Variants in CAMK1D observed in about 807,000 individuals in gnomAD.
CAMK1D encodes the protein calcium/calmodulin-dependent protein kinase type 1D.
Under a neutral mutation model 47.7 loss-of-function variants are expected in CAMK1D, and 9 were observed. The ratio of observed to expected loss-of-function variants is 0.19; its 90% CI spans 0.11 to 0.33. The LOEUF is 0.33. Ranked by LOEUF, CAMK1D falls within the 10% of genes least tolerant of loss-of-function variation. The pLI is 1.00. For missense variants in CAMK1D, 291 were observed against 488.7 expected, an observed-to-expected ratio of 0.60 and a Z score of 3.81; for synonymous variants, 184 against 184.9, an observed-to-expected ratio of 0.99 and a Z score of 0.04.
At chr10:12,584,397 G>T (rs1213894587) in intron 2 of CAMK1D, among the ~76,000 whole-genome samples, 1 of 152,190 alleles carries the variant, frequency 6.6e-6, no homozygotes, top group Non-Finnish European at 1.5e-5. Flanking sequence ...GGTGATAATG[G>T]TCATAGCATA....
chr10:12,676,063 C>T (rs1221473946), intron 3 of CAMK1D, among the ~76,000 whole-genome samples: 1 of 152,180 alleles, frequency 6.6e-6, no homozygotes, highest in East Asian at 1.9e-4. Flanking sequence ...AGCGATTCTC[C>T]TGTCTCAGCC....
chr10:12,372,984 C>T (rs1298300728), intron 1 of CAMK1D, among the ~76,000 whole-genome samples: 1 of 152,140 alleles, frequency 6.6e-6, no homozygotes, highest in Non-Finnish European at 1.5e-5. Context: ...GAGCTGGTAA[C>T]GGAATTGTTT....
At position 12,577,107 on chromosome 10, in the gene CAMK1D, C is replaced by T. The variant is rs553755389; in HGVS notation, c.224+23751C>T. 3.3e-5 allele frequency among the ~76,000 whole-genome samples: 5 copies of T among 152,312 alleles called. No individual in the cohort carries two copies. The East Asian group carries it at 9.6e-4, about 29-fold the overall frequency. On this transcript the variant is annotated intron_variant, in intron 2 of 10. Coordinates refer to ENST00000619168, the MANE Select transcript of CAMK1D (RefSeq NM_153498.4). ...CTGGGGCACTTGCAGGAGGTGACGG[C>T]CACCTTGACTCTGTATGCTGAAGCC...
intron 2 of CAMK1D, among the ~76,000 whole-genome samples, chr10:12,587,656 CT>C (rs1446658314): frequency 1.3e-5 from 2 of 152,132 alleles, no homozygotes; most frequent in African/African-American, 2.4e-5. Flanking sequence ...GGGAGGACTC[CT>C]TAGGATGTGC....
intron 2 of CAMK1D, among the ~76,000 whole-genome samples, chr10:12,653,997 A>G (rs1840051546): frequency 6.6e-6 from 1 of 152,244 alleles, no homozygotes; most frequent in Non-Finnish European, 1.5e-5. Flanking sequence ...GAGAAAGCAC[A>G]GGACATTAGT....
At chr10:12,795,605 C>T (rs1227322650) in intron 6 of CAMK1D, among the ~76,000 whole-genome samples, 3 of 152,326 alleles carry the variant, frequency 2.0e-5, no homozygotes, top group African/African-American at 2.4e-5. Context: ...AAACCTGTCA[C>T]GCTGAGATAT....
intron 2 of CAMK1D, among the ~76,000 whole-genome samples, chr10:12,570,108 G>T (rs1291665327): frequency 6.6e-6 from 1 of 152,124 alleles, no homozygotes; most frequent in East Asian, 1.9e-4. Flanking sequence ...GCTGAGGCAG[G>T]AGAATTGCTT....
intron 1 of CAMK1D, among the ~76,000 whole-genome samples, chr10:12,378,951 AG>A (rs1838265247): frequency 6.6e-6 from 1 of 151,852 alleles, no homozygotes; most frequent in Admixed American, 6.6e-5. Context: ...CTGGGACTAC[AG>A]GCACATACCA....
In CAMK1D at chr10:12,720,560, AG is replaced by A. The variant is rs1180258642; in HGVS notation, c.300-40387del. On this transcript the variant is annotated intron_variant, in intron 3 of 10. Coordinates refer to ENST00000619168, the MANE Select transcript of CAMK1D (RefSeq NM_153498.4). ...AGATCTAGAGATGACGTGGTAGATA[AG>A]ACTGTTGACACATTCTCTAATCTTA... 2.6e-5 allele frequency among the ~76,000 whole-genome samples: 4 copies of A among 152,330 alleles called. No homozygotes were observed. The East Asian group carries it at 7.7e-4, about 29-fold the overall frequency.
intron 2 of CAMK1D, among the ~76,000 whole-genome samples, chr10:12,560,662 T>C (rs1390811988): frequency 1.3e-5 from 2 of 151,898 alleles, no homozygotes; most frequent in African/African-American, 4.8e-5. Flanking sequence ...CTGGTAAAGC[T>C]AGTCCTTGAA....
intron 1 of CAMK1D, among the ~76,000 whole-genome samples, chr10:12,449,240 C>G (rs545468854): frequency 6.6e-5 from 10 of 152,136 alleles, no homozygotes; most frequent in Admixed American, 3.3e-4. Context: ...GTCTGCCATC[C>G]TCATTGGGAG....
chr10:12,767,815 G>A (rs1836842543), intron 4 of CAMK1D, among the ~76,000 whole-genome samples: 1 of 152,218 alleles, frequency 6.6e-6, no homozygotes. Context: ...ATAAGGCAGA[G>A]GAAGCAATCA....
At chr10:12,471,845 A>T (rs537784949) in intron 1 of CAMK1D, among the ~76,000 whole-genome samples, 178 of 152,008 alleles carry the variant, frequency 1.2e-3, no homozygotes, top group African/African-American at 4.2e-3. Flanking sequence ...CAGTCTGGGC[A>T]ACATAGCAAG....
intron 2 of CAMK1D, among the ~76,000 whole-genome samples, chr10:12,588,439 C>T (rs776155643): frequency 5.9e-5 from 9 of 152,168 alleles, no homozygotes; most frequent in Non-Finnish European, 1.2e-4. Flanking sequence ...AAACCGTGCT[C>T]TCAATAAGTG....
At chr10:12,761,294 G>A (rs1309224347) in intron 4 of CAMK1D, among the ~76,000 whole-genome samples, 1 of 152,182 alleles carries the variant, frequency 6.6e-6, no homozygotes, top group Non-Finnish European at 1.5e-5. Flanking sequence ...CACATGGCTG[G>A]CCACTGTTCA....
intron 2 of CAMK1D, among the ~76,000 whole-genome samples, chr10:12,569,363 C>G (rs1300665345): frequency 6.6e-6 from 1 of 152,146 alleles, no homozygotes; most frequent in Non-Finnish European, 1.5e-5. Context: ...ATTTCGAACT[C>G]TGTTTACTCG....
chr10:12,564,271 A>G (rs1837055032), intron 2 of CAMK1D, among the ~76,000 whole-genome samples: 2 of 152,124 alleles, frequency 1.3e-5, no homozygotes, highest in Non-Finnish European at 2.9e-5. Flanking sequence ...GAGATGGACT[A>G]AGATGGCAGA....
chr10:12,793,896 A>G (rs911367927), intron 6 of CAMK1D, among the ~76,000 whole-genome samples: 3 of 152,258 alleles, frequency 2.0e-5, no homozygotes, highest in Admixed American at 6.5e-5. Context: ...ATGGCTAGAT[A>G]GTATCAAGAC....
At chr10:12,351,068 C>T (rs1246656709) in intron 1 of CAMK1D, among the ~76,000 whole-genome samples, 3 of 152,098 alleles carry the variant, frequency 2.0e-5, no homozygotes, top group Non-Finnish European at 4.4e-5. Flanking sequence ...CTTGTCTTCA[C>T]CTCCAGGCTC....
Sources: allele counts gnomAD v4.1 joint callset (sites outside exome capture counted in the v4.1 genomes callset), GRCh38; gene constraint gnomAD v4.1.1; transcripts MANE v1.5; gene names NCBI Gene and HGNC (gene_info 2026-07-23, HGNC 2026-07-21).